NLGN1: variants seen among roughly 807,000 people sequenced by gnomAD.
The protein encoded by NLGN1 is neuroligin-1.
In NLGN1, 12 loss-of-function variants were observed where a neutral mutation model predicts 65.5. That is an observed-to-expected ratio of 0.18 (90% confidence interval 0.12 to 0.30). NLGN1 has a LOEUF of 0.30. NLGN1 is among the 10% of genes least tolerant of loss of function. NLGN1 has a pLI of 1.00. For synonymous variants in NLGN1, 350 were observed against 359.5 expected, an observed-to-expected ratio of 0.97 and a Z score of 0.30; for missense variants, 750 against 1,007.1, an observed-to-expected ratio of 0.74 and a Z score of 3.46.
intron 4 of NLGN1, among the ~76,000 whole-genome samples, chr3:173,883,665 C>CAT (rs200956960): frequency 0.019 from 2,908 of 152,118 alleles, 31 homozygotes; most frequent in Middle Eastern, 0.031. Context: ...GTGTTTGAAA[C>CAT]ATATATACAT....
intron 4 of NLGN1, among the ~76,000 whole-genome samples, chr3:173,846,138 CAAGTAT>C (rs1466514550): frequency 2.0e-5 from 3 of 152,042 alleles, no homozygotes; most frequent in Admixed American, 6.6e-5. Context: ...GTCCCCAGTA[CAAGTAT>C]AATTCCTAAA....
intron 3 of NLGN1, among the ~76,000 whole-genome samples, chr3:173,731,230 A>T (rs1772790377): frequency 6.6e-6 from 1 of 152,094 alleles, no homozygotes. Context: ...TTTATTCTTG[A>T]GTTCTGATAA....
intron 4 of NLGN1, among the ~76,000 whole-genome samples, chr3:173,949,457 T>A (rs189393953): frequency 1.8e-4 from 28 of 152,302 alleles, no homozygotes; most frequent in African/African-American, 6.7e-4. Flanking sequence ...TCTGCTTATT[T>A]ATATTTTCAG....
At chr3:173,756,181 A>G (rs1313270709) in intron 3 of NLGN1, among the ~76,000 whole-genome samples, 1 of 152,020 alleles carries the variant, frequency 6.6e-6, no homozygotes, top group Non-Finnish European at 1.5e-5. Context: ...AGATAAAGCA[A>G]ATAAGCAATT....
intron 3 of NLGN1, among the ~76,000 whole-genome samples, chr3:173,692,884 C>T (rs1765675164): frequency 1.3e-5 from 2 of 151,946 alleles, no homozygotes; most frequent in African/African-American, 4.8e-5. Context: ...GGTCACTTTC[C>T]CATTAACAGG....
intron 2 of NLGN1, among the ~76,000 whole-genome samples, chr3:173,511,005 T>C (rs542293001): frequency 4.6e-5 from 7 of 152,300 alleles, no homozygotes; most frequent in African/African-American, 9.6e-5. Context: ...TTGTGCATAG[T>C]TGAGAAAGAA....
intron 3 of NLGN1, among the ~76,000 whole-genome samples, chr3:173,701,649 C>T (rs1487991206): frequency 6.6e-6 from 1 of 152,158 alleles, no homozygotes; most frequent in East Asian, 1.9e-4. Flanking sequence ...ATTAATCTGA[C>T]TTTTCAATTT....
At chr3:173,703,694 A>G (rs1024728030) in intron 3 of NLGN1, among the ~76,000 whole-genome samples, 10 of 152,196 alleles carry the variant, frequency 6.6e-5, no homozygotes, top group African/African-American at 2.4e-5. Flanking sequence ...CCGTGAATCC[A>G]TGGAGATAGT....
chr3:174,009,605 T>TTAA, intron 4 of NLGN1, among the ~76,000 whole-genome samples: 1 of 152,306 alleles, frequency 6.6e-6, no homozygotes, highest in East Asian at 1.9e-4. Flanking sequence ...GCTCACATTC[T>TTAA]TAACCACACA....
chr3:173,704,519 T>G (rs1024687200), intron 3 of NLGN1, among the ~76,000 whole-genome samples: 23 of 152,166 alleles, frequency 1.5e-4, no homozygotes, highest in African/African-American at 5.6e-4. Flanking sequence ...ATTGGTATGA[T>G]TAGTCAGAGA....
intron 4 of NLGN1, among the ~76,000 whole-genome samples, chr3:174,207,437 A>G (rs994353700): frequency 1.3e-5 from 2 of 152,214 alleles, no homozygotes; most frequent in African/African-American, 4.8e-5. Flanking sequence ...TAAGATACAG[A>G]CAGAATGCAG....
intron 4 of NLGN1, among the ~76,000 whole-genome samples, chr3:173,812,404 T>C (rs1486535211): frequency 3.9e-5 from 6 of 152,112 alleles, no homozygotes; most frequent in Admixed American, 1.3e-4. Flanking sequence ...TAATAATGCT[T>C]CAAGTATTAT....
intron 3 of NLGN1, 146 bp from the exon 4 acceptor site, chr3:173,807,534 T>C (rs767385501): frequency 2.1e-4 from 169 of 811,286 alleles, no homozygotes; most frequent in Admixed American, 8.3e-4. Context: ...TCATATGAGT[T>C]GCTTAAGAAA....
intron 3 of NLGN1, among the ~76,000 whole-genome samples, chr3:173,750,002 C>T (rs1776094988): frequency 6.6e-6 from 1 of 152,022 alleles, no homozygotes; most frequent in African/African-American, 2.4e-5. Flanking sequence ...AAGTTTGTCC[C>T]CTATTCATGC....
intron 2 of NLGN1, among the ~76,000 whole-genome samples, chr3:173,530,219 T>G (rs1736337937): frequency 1.3e-5 from 2 of 152,188 alleles, no homozygotes; most frequent in Non-Finnish European, 2.9e-5. Context: ...CCTCCCAAAG[T>G]GCTGGGATTA....
At chr3:173,876,000 A>G (rs1346050455) in intron 4 of NLGN1, among the ~76,000 whole-genome samples, 2 of 147,054 alleles carry the variant, frequency 1.4e-5, no homozygotes, top group South Asian at 2.1e-4. Flanking sequence ...AAGCCTCTCA[A>G]AAAAAAATCC....
chr3:173,460,401 A>G lies in NLGN1; in HGVS notation c.-321+25323A>G, dbSNP rs149797907. The stretch of plus-strand genomic sequence containing the variant: ...GTACAAAATTATAAAAAGCTGGGAC[A>G]GTAAGAAGAAACTGTTATTCTCTGT... On this transcript the variant is annotated intron_variant, in intron 2 of 6. Transcript: ENST00000457714. Among the ~76,000 whole-genome samples, 10 of 152,280 alleles carry G rather than the reference A, an allele frequency of 6.6e-5. No homozygotes were observed. In the East Asian group the frequency reaches 1.4e-3, roughly 21 times the overall value.
chr3:174,029,465 C>T (rs573853552), intron 4 of NLGN1, among the ~76,000 whole-genome samples: 1 of 152,274 alleles, frequency 6.6e-6, no homozygotes, highest in Non-Finnish European at 1.5e-5. Context: ...ATGCCTGTAC[C>T]CCCATTGCAT....
At chr3:173,699,429 A>G (rs923402780) in intron 3 of NLGN1, among the ~76,000 whole-genome samples, 5 of 152,208 alleles carry the variant, frequency 3.3e-5, no homozygotes, top group African/African-American at 7.2e-5. Context: ...TAAATTTCTA[A>G]CCTGATATTC....
Sources: allele counts gnomAD v4.1 joint callset (sites outside exome capture counted in the v4.1 genomes callset), GRCh38; gene constraint gnomAD v4.1.1; transcripts MANE v1.5; gene names NCBI Gene and HGNC (gene_info 2026-07-23, HGNC 2026-07-21).